The following EFR3A variants were observed in gnomAD, a reference collection of about 807,000 sequenced individuals.
The protein encoded by EFR3A is EFR3 homolog A.
Under a neutral mutation model 104.4 loss-of-function variants are expected in EFR3A, and 76 were observed. That is an observed-to-expected ratio of 0.73 (90% CI 0.60 to 0.88). The LOEUF (loss-of-function observed/expected upper bound fraction) is 0.88. Among genes scored for constraint, EFR3A ranks in the 40% least tolerant of loss-of-function variants. The probability of loss-of-function intolerance (pLI) is 0.00; values close to 1 mark genes in which losing one functional copy is unlikely to be tolerated. For synonymous variants in EFR3A, 330 were observed against 330.0 expected (o/e 1.00, Z 0.00); for missense variants, 985 against 1,012.5 (o/e 0.97, Z 0.37).
chr8:131,960,938 C>T (rs2130652380), intron 8 of EFR3A, among the ~76,000 whole-genome samples: 1 of 152,268 alleles, frequency 6.6e-6, no homozygotes, highest in Non-Finnish European at 1.5e-5. Flanking sequence ...GCTGCTGATA[C>T]CCAGGCAAAC....
chr8:131,999,978 G>A (rs1349109457), intron 19 of EFR3A, among the ~76,000 whole-genome samples: 2 of 152,072 alleles, frequency 1.3e-5, no homozygotes, highest in South Asian at 2.1e-4. Flanking sequence ...AGAGTAGCCA[G>A]GCTGGAGGTA....
chr8:131,970,589 AG>A lies in EFR3A; in HGVS notation c.1106del (p.Ser369IlefsTer18), dbSNP rs1819997085. 1 of 1,613,746 alleles carries A rather than the reference AG, an allele frequency of 6.2e-7. No individual in the cohort carries two copies. Among genetic ancestry groups the A allele is most frequent in the African/African-American group, 1.3e-5 (1 of 74,920 alleles). The part of the protein sequence containing the change: ...GSVGSVNLNT[S>X]SKDNDEKIVQ... ...TGTAGGCAGTGTCAACTTAAATACA[AG>A]TTCCAAAGACAATGATGAGAAGATT... On this transcript the variant is annotated frameshift_variant, in exon 10 of 23. Coordinates refer to ENST00000254624, the MANE Select transcript of EFR3A (RefSeq NM_015137.6). LOFTEE classifies it high-confidence loss of function.
At chr8:131,960,571 A>G (rs557076084) in intron 8 of EFR3A, among the ~76,000 whole-genome samples, 3 of 152,308 alleles carry the variant, frequency 2.0e-5, no homozygotes, top group Non-Finnish European at 1.5e-5. Flanking sequence ...ATCATTGTAC[A>G]ATTAAAACTT....
At chr8:131,999,649 A>G (rs1410832828) in intron 19 of EFR3A, among the ~76,000 whole-genome samples, 1 of 152,118 alleles carries the variant, frequency 6.6e-6, no homozygotes, top group Non-Finnish European at 1.5e-5. Flanking sequence ...TTTACCAGCT[A>G]TGGTATATAA....
chr8:131,986,958 A>T (rs1410551358), intron 17 of EFR3A, among the ~76,000 whole-genome samples: 2 of 152,092 alleles, frequency 1.3e-5, no homozygotes, highest in Non-Finnish European at 2.9e-5. Flanking sequence ...AATACTCAAA[A>T]TATTGTGGAA....
chr8:131,926,223 T>G (rs998935427), intron 1 of EFR3A, among the ~76,000 whole-genome samples: 1 of 152,188 alleles, frequency 6.6e-6, no homozygotes, highest in African/African-American at 2.4e-5. Context: ...TGCAATATAT[T>G]AGTCACAGAG....
chr8:131,931,232 G>C (rs1437957393), intron 1 of EFR3A, among the ~76,000 whole-genome samples: 1 of 152,116 alleles, frequency 6.6e-6, no homozygotes. Flanking sequence ...GAGAAGCATT[G>C]TACTATGGAA....
intron 1 of EFR3A, among the ~76,000 whole-genome samples, chr8:131,905,003 C>G (rs1172874730): frequency 6.6e-6 from 1 of 152,176 alleles, no homozygotes; most frequent in South Asian, 2.1e-4. Context: ...CAAGGCACCC[C>G]AAAGTTTAAA....
chr8:131,991,037 G>A (rs994440757), intron 18 of EFR3A, among the ~76,000 whole-genome samples: 1 of 152,108 alleles, frequency 6.6e-6, no homozygotes, highest in African/African-American at 2.4e-5. Flanking sequence ...CAGAGACTGG[G>A]CAATTTACAA....
chr8:131,972,775 A>C (rs1169475233), intron 10 of EFR3A, among the ~76,000 whole-genome samples: 5 of 152,060 alleles, frequency 3.3e-5, no homozygotes, highest in Non-Finnish European at 7.4e-5. Flanking sequence ...TTTCTTCTGA[A>C]ACTGGGCTTA....
chr8:131,981,293 C>G (rs369765492), intron 14 of EFR3A, among the ~76,000 whole-genome samples: 1 of 152,088 alleles, frequency 6.6e-6, no homozygotes, highest in East Asian at 1.9e-4. Context: ...ATTTGAAAAG[C>G]TGTAATTTAA....
chr8:132,010,934 TAA>T lies in EFR3A; in HGVS notation c.*43_*44del. 6.5e-7 allele frequency: 1 copy of T among 1,535,230 alleles called. No homozygotes were observed. Among genetic ancestry groups the T allele is most frequent in the Non-Finnish European group, 8.9e-7 (1 of 1,125,606 alleles). On this transcript the variant is annotated 3_prime_UTR_variant, in exon 23 of 23. Coordinates refer to ENST00000254624, the MANE Select transcript of EFR3A (RefSeq NM_015137.6). ...ACCTCAGGATATGATTTGTAAAGCC[TAA>T]AAATTAAGGCCAAGCTGAGCTTTCA...
At chr8:131,984,530 G>A (rs1204681648) in intron 15 of EFR3A, among the ~76,000 whole-genome samples, 2 of 152,154 alleles carry the variant, frequency 1.3e-5, no homozygotes, top group African/African-American at 4.8e-5. Context: ...ATAGTGTGAT[G>A]AAGCAGACAA....
chr8:131,954,041 T>G, intron 6 of EFR3A, 74 bp downstream of exon 6: 2 of 1,351,448 alleles, frequency 1.5e-6, no homozygotes, highest in South Asian at 3.3e-5. Flanking sequence ...AGGATAAGAA[T>G]GTTTTGTCTT....
chr8:131,956,200 TAAAC>T (rs1302505057), intron 7 of EFR3A, among the ~76,000 whole-genome samples: 4 of 152,202 alleles, frequency 2.6e-5, no homozygotes, highest in Non-Finnish European at 4.4e-5. Context: ...GTGAAATATT[TAAAC>T]AAACAGTGTC....
chr8:131,956,177 A>C (rs949112997), intron 7 of EFR3A, among the ~76,000 whole-genome samples: 3 of 152,176 alleles, frequency 2.0e-5, no homozygotes, highest in African/African-American at 7.2e-5. Flanking sequence ...AGACCTTGAA[A>C]TGCCTATGTG....
intron 1 of EFR3A, among the ~76,000 whole-genome samples, chr8:131,939,718 A>G (rs952496103): frequency 3.3e-5 from 5 of 152,140 alleles, no homozygotes; most frequent in East Asian, 1.9e-4. Flanking sequence ...AGCTTCTTTC[A>G]TCATTGCAAT....
chr8:131,931,251 C>T (rs148385617), intron 1 of EFR3A, among the ~76,000 whole-genome samples: 16 of 152,146 alleles, frequency 1.1e-4, no homozygotes, highest in East Asian at 9.7e-4. Context: ...AAACATAGTT[C>T]GCTTTGATTG....
intron 1 of EFR3A, chr8:131,924,112 A>T (rs964453801): frequency 2.2e-6 from 1 of 444,730 alleles, no homozygotes; most frequent in African/African-American, 2.0e-5. Context: ...TGCTTATTAG[A>T]TTGTTTCTTG....
Sources: gnomAD v4.1 joint callset for allele counts (sites outside exome capture counted in the v4.1 genomes callset) on GRCh38, gnomAD v4.1.1 for gene constraint, MANE v1.5 for transcripts, NCBI Gene and HGNC (gene_info 2026-07-23, HGNC 2026-07-21) for gene names.